HS3ST5: variants seen among roughly 807,000 people sequenced by gnomAD.
HS3ST5 encodes the protein heparan sulfate glucosamine 3-O-sulfotransferase 5.
HS3ST5 carries 10 observed loss-of-function variants against 25.4 expected under a neutral mutation model. The ratio of observed to expected loss-of-function variants is 0.39; its 90% confidence interval spans 0.24 to 0.67. The LOEUF (loss-of-function observed/expected upper bound fraction) is 0.67. Ranked by LOEUF, HS3ST5 falls within the 30% of genes least tolerant of loss-of-function variation. HS3ST5 has a pLI of 0.44. For synonymous variants in HS3ST5, 170 were observed against 162.4 expected (o/e 1.05, Z -0.36); for missense variants, 324 against 420.7 (o/e 0.77, Z 2.01).
chr6:114,249,003 G>A (rs1177537009), intron 1 of HS3ST5, among the ~76,000 whole-genome samples: 2 of 152,128 alleles, frequency 1.3e-5, no homozygotes, highest in East Asian at 1.9e-4. Flanking sequence ...CTGTTTATAT[G>A]CTATTTGAAG....
At chr6:114,111,294 T>C (rs1317472057) in intron 3 of HS3ST5, among the ~76,000 whole-genome samples, 1 of 152,214 alleles carries the variant, frequency 6.6e-6, no homozygotes, top group Non-Finnish European at 1.5e-5. Context: ...ATGGCACATA[T>C]TTGTATTGCA....
At chr6:114,209,368 C>A (rs1010591849) in intron 2 of HS3ST5, among the ~76,000 whole-genome samples, 14 of 151,572 alleles carry the variant, frequency 9.2e-5, no homozygotes, top group African/African-American at 3.1e-4. Flanking sequence ...TTTATACCTT[C>A]TTTTTTTAAC....
chr6:114,341,250 AGAGAGAGAGAGT>A (rs1776850084), intron 1 of HS3ST5, among the ~76,000 whole-genome samples: 1 of 149,586 alleles, frequency 6.7e-6, no homozygotes, highest in African/African-American at 2.5e-5. Context: ...AGAGAGAGAG[AGAGAGAGAGAGT>A]GAGTCCCACC....
At chr6:114,156,871 C>G (rs886704314) in intron 3 of HS3ST5, among the ~76,000 whole-genome samples, 7 of 152,278 alleles carry the variant, frequency 4.6e-5, no homozygotes, top group African/African-American at 1.7e-4. Flanking sequence ...CCTCAGGGCT[C>G]TGTTCTAGGC....
At chr6:114,191,605 T>C (rs887390299) in intron 2 of HS3ST5, among the ~76,000 whole-genome samples, 3 of 152,150 alleles carry the variant, frequency 2.0e-5, no homozygotes, top group African/African-American at 7.2e-5. Flanking sequence ...CATTTCTGTT[T>C]CAGCATTAAG....
chr6:114,339,009 C>T (rs1297700723), intron 1 of HS3ST5, among the ~76,000 whole-genome samples: 3 of 152,030 alleles, frequency 2.0e-5, no homozygotes, highest in Admixed American at 2.0e-4. Flanking sequence ...TTGACTTGTT[C>T]TCTCTTTTAA....
At chr6:114,071,741 A>T (rs1021713716) in intron 3 of HS3ST5, among the ~76,000 whole-genome samples, 2 of 152,228 alleles carry the variant, frequency 1.3e-5, no homozygotes, top group African/African-American at 4.8e-5. Context: ...CTGTCTGTGT[A>T]TAAATGACTT....
At chr6:114,288,256 T>C (rs1174036062) in intron 1 of HS3ST5, among the ~76,000 whole-genome samples, 2 of 152,070 alleles carry the variant, frequency 1.3e-5, no homozygotes, top group African/African-American at 4.8e-5. Context: ...ATACACTCTT[T>C]AGGAGAGATA....
intron 2 of HS3ST5, among the ~76,000 whole-genome samples, chr6:114,203,373 G>A (rs943464329): frequency 3.3e-5 from 5 of 152,102 alleles, no homozygotes; most frequent in African/African-American, 9.7e-5. Flanking sequence ...AGACTGAACC[G>A]CCTTTGTAAG....
intron 3 of HS3ST5, among the ~76,000 whole-genome samples, chr6:114,162,774 C>A (rs1458156527): frequency 6.6e-6 from 1 of 152,180 alleles, no homozygotes; most frequent in African/African-American, 2.4e-5. Context: ...CTCTGCTGAC[C>A]CAGTTACCTT....
rs140091226 is a variant in HS3ST5, at chr6:114,229,199, A to G, written c.-338-421T>C. 2.4e-3 allele frequency among the ~76,000 whole-genome samples: 369 copies of G among 152,340 alleles called. 1 individual carries two copies. Among genetic ancestry groups the G allele is most frequent in the Non-Finnish European group, 4.3e-3 (293 of 68,014 alleles). On this transcript the variant is annotated intron_variant, in intron 1 of 4. Coordinates refer to ENST00000312719, the MANE Select transcript of HS3ST5 (RefSeq NM_153612.4). Reference sequence around the variant, plus strand: ...CATGGAATCATCTGGTAATTTTGCTATATTTCCTTTCACATGGGTAGTACT... The same window carrying G: ...CATGGAATCATCTGGTAATTTTGCTGTATTTCCTTTCACATGGGTAGTACT...
intron 3 of HS3ST5, among the ~76,000 whole-genome samples, chr6:114,063,341 C>G (rs1196131203): frequency 6.6e-6 from 1 of 152,028 alleles, no homozygotes. Context: ...ATGGTGAAAC[C>G]TCGTCTCTAC....
At chr6:114,205,181 T>C (rs546980898) in intron 2 of HS3ST5, among the ~76,000 whole-genome samples, 1 of 152,262 alleles carries the variant, frequency 6.6e-6, no homozygotes, top group African/African-American at 2.4e-5. Context: ...CACAAGGATG[T>C]CCCACTTCAG....
intron 3 of HS3ST5, among the ~76,000 whole-genome samples, chr6:114,161,107 A>G (rs1276111683): frequency 2.6e-5 from 4 of 152,036 alleles, no homozygotes; most frequent in Admixed American, 6.6e-5. Flanking sequence ...GAATCTTGCA[A>G]ATGGGTCTTC....
At chr6:114,144,310 T>TG (rs772092193) in intron 3 of HS3ST5, among the ~76,000 whole-genome samples, 1 of 151,976 alleles carries the variant, frequency 6.6e-6, no homozygotes, top group Non-Finnish European at 1.5e-5. Context: ...CTATGACCGA[T>TG]ACATTTAGCG....
In HS3ST5 at chr6:114,057,742, T is replaced by A; in HGVS notation, c.556A>T (p.Thr186Ser). The A allele has an allele frequency of 6.2e-7, 1 of 1,614,200 alleles. No homozygotes were observed. The highest frequency in any genetic ancestry group is 8.5e-7 in the Non-Finnish European group (1 of 1,180,028). ...GTATAATCAGAAATAGCTCTTGTGG[T>A]TGGCTCCCTGACAATGATCAACAAC... ...IKLLIIVREP[T>S]TRAISDYTQV... The change falls in exon 5 of 5, where the codon ACC becomes TCC. Residue 186 changes from threonine (T) to serine (S), a missense_variant. Around this residue, in one of 2 missense-constraint regions of HS3ST5, gnomAD observed 203 missense variants for 303.4 expected, o/e 0.67. Transcript: ENST00000312719.
intron 1 of HS3ST5, among the ~76,000 whole-genome samples, chr6:114,315,609 T>C (rs1775714876): frequency 6.6e-6 from 1 of 152,240 alleles, no homozygotes; most frequent in Non-Finnish European, 1.5e-5. Context: ...CACTGACTGA[T>C]GTTTTGTGAC....
intron 1 of HS3ST5, among the ~76,000 whole-genome samples, chr6:114,317,506 A>G (rs1775788953): frequency 6.6e-6 from 1 of 152,194 alleles, no homozygotes; most frequent in Non-Finnish European, 1.5e-5. Flanking sequence ...CTGGGTTTGG[A>G]GCCATATCTA....
intron 3 of HS3ST5, among the ~76,000 whole-genome samples, chr6:114,079,949 T>TG (rs1314499920): frequency 6.6e-6 from 1 of 151,760 alleles, no homozygotes; most frequent in Non-Finnish European, 1.5e-5. Flanking sequence ...CTAATTTTGT[T>TG]TTTTTTTAGT....
Sources: gnomAD v4.1 joint callset for allele counts (sites outside exome capture counted in the v4.1 genomes callset) on GRCh38, gnomAD v4.1.1 for gene constraint, gnomAD v4.1.1 regional missense constraint, MANE v1.5 for transcripts, NCBI Gene and HGNC (gene_info 2026-07-23, HGNC 2026-07-21) for gene names.